EML4: variants seen among roughly 807,000 people sequenced by gnomAD.
EML4 encodes EMAP like 4.
A neutral mutation model predicts 129.0 loss-of-function variants in EML4; 72 were observed. The observed-to-expected ratio is 0.56, with a 90% CI of 0.46 to 0.68. The LOEUF is 0.68. Ranked by LOEUF, EML4 falls within the 30% of genes least tolerant of loss-of-function variation. The probability of loss-of-function intolerance (pLI) is 0.00; values close to 1 mark genes in which losing one functional copy is unlikely to be tolerated. For synonymous variants in EML4, 532 were observed against 405.0 expected (o/e 1.31, Z -3.77); for missense variants, 1,363 against 1,190.6 (o/e 1.14, Z -2.13).
chr2:42,193,586 T>C (rs1671724461), intron 1 of EML4, among the ~76,000 whole-genome samples: 1 of 152,224 alleles, frequency 6.6e-6, no homozygotes, highest in Admixed American at 6.5e-5. Context: ...TTGACCTTTT[T>C]CATTGCTGAG....
chr2:42,194,625 C>G (rs1671793977), intron 1 of EML4, among the ~76,000 whole-genome samples: 1 of 151,946 alleles, frequency 6.6e-6, no homozygotes, highest in Non-Finnish European at 1.5e-5. Flanking sequence ...ATCCTCTCAC[C>G]TCAGCCTCCC....
chr2:42,193,063 G>A (rs1388446624), intron 1 of EML4, among the ~76,000 whole-genome samples: 1 of 152,122 alleles, frequency 6.6e-6, no homozygotes, highest in Non-Finnish European at 1.5e-5. Flanking sequence ...ATGTTTCATA[G>A]TAAAGAACAG....
chr2:42,182,444 C>T (rs2103848750), intron 1 of EML4, among the ~76,000 whole-genome samples: 1 of 152,070 alleles, frequency 6.6e-6, no homozygotes, highest in African/African-American at 2.4e-5. Flanking sequence ...CCTTTCTCAT[C>T]CACCTGGTTG....
At chr2:42,249,837 A>G (rs1675649027) in intron 2 of EML4, among the ~76,000 whole-genome samples, 2 of 152,174 alleles carry the variant, frequency 1.3e-5, no homozygotes, top group Admixed American at 6.5e-5. Flanking sequence ...TAAATTTTTC[A>G]TATACCTTCT....
chr2:42,280,377 T>G (rs986884884), intron 6 of EML4, among the ~76,000 whole-genome samples: 1 of 152,244 alleles, frequency 6.6e-6, no homozygotes, highest in African/African-American at 2.4e-5. Context: ...ATCACTTTGT[T>G]TTCTGTATGC....
chr2:42,220,295 G>A (rs1673501960), intron 1 of EML4, among the ~76,000 whole-genome samples: 1 of 148,454 alleles, frequency 6.7e-6, no homozygotes. Context: ...CATTGAGCAA[G>A]TGTATTGGCC....
Position 42,330,769 on chromosome 2 carries a change from C to A in EML4, c.*562C>A, listed in dbSNP as rs996050414. 6.8e-5 allele frequency: 15 copies of A among 219,540 alleles called. No homozygotes were observed. The highest frequency in any genetic ancestry group is 1.2e-4 in the Non-Finnish European group (13 of 107,842). 13.6% of individuals were successfully genotyped at this position (219,540 alleles called of 1,614,324 possible). ...ATGGTGTTGCCTTCTTTAAAAAATG[C>A]CGTTTTCTTACACTACCAGTGGATG... On this transcript the variant is annotated 3_prime_UTR_variant, in exon 23 of 23. Coordinates refer to ENST00000318522, the MANE Select transcript of EML4 (RefSeq NM_019063.5).
intron 1 of EML4, among the ~76,000 whole-genome samples, chr2:42,197,622 A>T (rs1671972994): frequency 6.6e-6 from 1 of 152,332 alleles, no homozygotes; most frequent in African/African-American, 2.4e-5. Context: ...TGTTCTACAA[A>T]TGAGTAATTT....
intron 22 of EML4, among the ~76,000 whole-genome samples, chr2:42,329,472 A>G (rs1266549926): frequency 1.3e-5 from 2 of 152,220 alleles, no homozygotes; most frequent in African/African-American, 2.4e-5. Context: ...TCTAGAAGAG[A>G]CAGACTTTTA....
chr2:42,264,849 G>C (rs1665961451), intron 6 of EML4, 118 bp downstream of exon 6: 1 of 1,471,068 alleles, frequency 6.8e-7, no homozygotes. Flanking sequence ...AAAGAAAAGT[G>C]CGTTACTGTA....
At chr2:42,324,461 C>G (rs1279870593) in intron 19 of EML4, among the ~76,000 whole-genome samples, 1 of 152,040 alleles carries the variant, frequency 6.6e-6, no homozygotes, top group African/African-American at 2.4e-5. Flanking sequence ...GCAGAAAATA[C>G]AAAAATTAGC....
chr2:42,330,341 A>G lies in EML4; in HGVS notation c.*134A>G, dbSNP rs1017315443. On this transcript the variant is annotated 3_prime_UTR_variant, in exon 23 of 23. Transcript: ENST00000318522. ...GTTTCCATGTGATTTGTTTTCTTCAATAGTCTTATTTTCAGTCTCTCAAAT... is the reference window on the plus strand; with the variant it reads ...GTTTCCATGTGATTTGTTTTCTTCAGTAGTCTTATTTTCAGTCTCTCAAAT... The G allele has an allele frequency of 1.7e-5, 14 of 802,822 alleles. No homozygotes were observed. Among genetic ancestry groups the G allele is most frequent in the South Asian group, 1.2e-4 (8 of 68,798 alleles). 49.7% of individuals were successfully genotyped at this position (802,822 alleles called of 1,614,324 possible).
chr2:42,274,100 T>C (rs1206983636), intron 6 of EML4, among the ~76,000 whole-genome samples: 1 of 152,316 alleles, frequency 6.6e-6, no homozygotes, highest in African/African-American at 2.4e-5. Flanking sequence ...ACTCTGTGGT[T>C]TTGGGAAGTA....
chr2:42,192,245 G>T (rs562475949), intron 1 of EML4, among the ~76,000 whole-genome samples: 32 of 145,498 alleles, frequency 2.2e-4, no homozygotes, highest in East Asian at 4.0e-4. Context: ...TTTTTTTTTG[G>T]GGGGGGGAGG....
chr2:42,315,320 T>G (rs1289255921), intron 17 of EML4, among the ~76,000 whole-genome samples: 1 of 152,352 alleles, frequency 6.6e-6, no homozygotes, highest in East Asian at 1.9e-4. Flanking sequence ...TTTGTTTCAA[T>G]TGACTCATTT....
intron 17 of EML4, among the ~76,000 whole-genome samples, chr2:42,313,891 C>T (rs932267371): frequency 6.6e-6 from 1 of 150,590 alleles, no homozygotes; most frequent in Non-Finnish European, 1.5e-5. Context: ...TAGTGCCACA[C>T]CACTCCATCC....
intron 8 of EML4, 28 bp from the exon 9 acceptor site, chr2:42,284,606 T>G (rs946701802): frequency 4.5e-6 from 7 of 1,563,614 alleles, no homozygotes; most frequent in Non-Finnish European, 6.1e-6. Context: ...TTCCTGTGTT[T>G]AAAATCATTC....
chr2:42,283,866 C>T (rs993558939), intron 8 of EML4, among the ~76,000 whole-genome samples: 10 of 152,176 alleles, frequency 6.6e-5, no homozygotes, highest in African/African-American at 1.9e-4. Flanking sequence ...AATGAGGAAG[C>T]ACTTTATGTA....
At chr2:42,229,362 TGAA>T (rs1319494398) in intron 1 of EML4, among the ~76,000 whole-genome samples, 7 of 152,212 alleles carry the variant, frequency 4.6e-5, no homozygotes, top group African/African-American at 1.7e-4. Context: ...TACTAAATGA[TGAA>T]GCCAGTTTTT....
Sources: allele counts gnomAD v4.1 joint callset (sites outside exome capture counted in the v4.1 genomes callset), GRCh38; gene constraint gnomAD v4.1.1; transcripts MANE v1.5; gene names NCBI Gene and HGNC (gene_info 2026-07-23, HGNC 2026-07-21).